The following COP1 variants were observed in gnomAD, a reference collection of about 807,000 sequenced individuals.
COP1 encodes the protein E3 ubiquitin-protein ligase COP1.
COP1 carries 24 observed loss-of-function variants against 101.3 expected under a neutral mutation model. That is an observed-to-expected ratio of 0.24 (90% confidence interval 0.17 to 0.33). The LOEUF is 0.33. Among genes scored for constraint, COP1 ranks in the 10% least tolerant of loss-of-function variants. The pLI, the probability that COP1 is intolerant of heterozygous loss-of-function variation, is 1.00. For missense variants in COP1, 663 were observed against 906.2 expected (o/e 0.73, Z 3.45); for synonymous variants, 347 against 341.9 (o/e 1.01, Z -0.17).
At chr1:176,059,410 T>C (rs1485794943) in intron 11 of COP1, among the ~76,000 whole-genome samples, 1 of 152,228 alleles carries the variant, frequency 6.6e-6, no homozygotes, top group Non-Finnish European at 1.5e-5. Context: ...TTTCCTTTTA[T>C]TTCTCCTTTA....
At chr1:176,090,961 GTT>G (rs1681170485) in intron 9 of COP1, among the ~76,000 whole-genome samples, 1 of 152,166 alleles carries the variant, frequency 6.6e-6, no homozygotes, top group Non-Finnish European at 1.5e-5. Flanking sequence ...GTGAAACTGT[GTT>G]TTTGTCTATA....
At chr1:176,132,371 T>C (rs1206433293) in intron 8 of COP1, among the ~76,000 whole-genome samples, 2 of 151,792 alleles carry the variant, frequency 1.3e-5, no homozygotes, top group African/African-American at 2.4e-5. Context: ...CTACCATGCC[T>C]AACTATTCTT....
At chr1:175,976,940 T>C (rs984008183) in intron 18 of COP1, among the ~76,000 whole-genome samples, 4 of 152,248 alleles carry the variant, frequency 2.6e-5, no homozygotes, top group African/African-American at 9.6e-5. Flanking sequence ...AAACAAACAT[T>C]TGGAATGTTG....
intron 10 of COP1, among the ~76,000 whole-genome samples, chr1:176,084,258 T>C (rs1217415134): frequency 6.6e-6 from 1 of 152,190 alleles, no homozygotes; most frequent in Non-Finnish European, 1.5e-5. Context: ...CATGAGCCAC[T>C]GCGCCCGGAC....
intron 10 of COP1, among the ~76,000 whole-genome samples, chr1:176,084,132 C>G (rs1257089208): frequency 2.0e-5 from 3 of 152,036 alleles, no homozygotes; most frequent in Non-Finnish European, 4.4e-5. Flanking sequence ...TATAGTTGTA[C>G]TTCAGTATCA....
At chr1:176,086,881 A>G (rs1394864454) in intron 9 of COP1, among the ~76,000 whole-genome samples, 1 of 152,196 alleles carries the variant, frequency 6.6e-6, no homozygotes, top group East Asian at 1.9e-4. Flanking sequence ...ACAGTAACCA[A>G]AACAGCATGG....
chr1:176,081,360 C>A, intron 10 of COP1, 73 bp from the exon 11 acceptor site: 1 of 1,201,568 alleles, frequency 8.3e-7, no homozygotes, highest in African/African-American at 1.6e-5. Context: ...GCCACATCCA[C>A]AAATTAAAAT....
chr1:176,199,433 T>G (rs536589783), intron 1 of COP1, among the ~76,000 whole-genome samples: 57 of 152,310 alleles, frequency 3.7e-4, no homozygotes, highest in Non-Finnish European at 7.1e-4. Flanking sequence ...CTACTAGATA[T>G]TTTTACCCTA....
At chr1:176,016,030 C>CA (rs1344834346) in intron 15 of COP1, among the ~76,000 whole-genome samples, 1 of 151,446 alleles carries the variant, frequency 6.6e-6, no homozygotes, top group African/African-American at 2.4e-5. Flanking sequence ...GGAAAATTAA[C>CA]AAAAAAGAAG....
chr1:175,947,449 C>T (rs750461544), intron 18 of COP1: 20 of 446,252 alleles, frequency 4.5e-5, no homozygotes, highest in Non-Finnish European at 7.7e-5. Context: ...TGGCTCACCA[C>T]AACCTCCACT....
intron 18 of COP1, among the ~76,000 whole-genome samples, chr1:175,952,069 C>G (rs573113344): frequency 1.2e-4 from 18 of 152,272 alleles, no homozygotes; most frequent in Middle Eastern, 3.4e-3. Context: ...AGAGAAAGAT[C>G]GCCAATTTCC....
intron 15 of COP1, among the ~76,000 whole-genome samples, chr1:176,016,498 C>CA (rs1366982440): frequency 6.6e-6 from 1 of 152,092 alleles, no homozygotes; most frequent in African/African-American, 2.4e-5. Flanking sequence ...AGGGTAGGAG[C>CA]AGAAACCAGA....
intron 15 of COP1, among the ~76,000 whole-genome samples, chr1:176,000,574 T>C (rs1661362423): frequency 6.6e-6 from 1 of 152,080 alleles, no homozygotes; most frequent in South Asian, 2.1e-4. Context: ...CTGTCATATA[T>C]GTGGTCTCTC....
intron 15 of COP1, among the ~76,000 whole-genome samples, chr1:176,001,486 T>C (rs536872091): frequency 2.0e-5 from 3 of 152,266 alleles, no homozygotes; most frequent in Admixed American, 6.5e-5. Context: ...GTTTCCAAAG[T>C]TGATATACTA....
At chr1:176,096,971 G>T (rs1320970725) in intron 9 of COP1, among the ~76,000 whole-genome samples, 2 of 151,970 alleles carry the variant, frequency 1.3e-5, no homozygotes, top group Non-Finnish European at 2.9e-5. Flanking sequence ...GTCCTTTTTG[G>T]TTTGATACCT....
At chr1:175,969,155 T>A (rs1354809200) in intron 18 of COP1, among the ~76,000 whole-genome samples, 1 of 152,212 alleles carries the variant, frequency 6.6e-6, no homozygotes, top group Non-Finnish European at 1.5e-5. Flanking sequence ...CATGGAAACC[T>A]GGATCTGAAT....
chr1:175,987,052 A>G lies in COP1; in HGVS notation c.2024T>C (p.Leu675Ser), dbSNP rs760996935. ...GACTGTATCAAACTTAAAAGTTAGC[A>G]AAGTCTTAGAAAGTCCTTTATAGTA... is the stretch of plus-strand genomic sequence containing the variant. ...YLYYKGLSKT[L>S]LTFKFDTVKS... The change falls in exon 18 of 20, where the codon TTG (leucine) becomes TCG (serine). Residue 675 changes from leucine to serine, a missense_variant. By Grantham distance (145) the Leu-to-Ser change is moderately radical. This residue lies in a region of COP1 where 209 missense variants were observed against 383.3 expected (regional missense o/e 0.55). Coordinates refer to ENST00000367669, the MANE Select transcript of COP1 (RefSeq NM_022457.7). 15 of 1,585,504 alleles carry G rather than the reference A, an allele frequency of 9.5e-6. No homozygotes were observed. Among genetic ancestry groups the G allele is most frequent in the African/African-American group, 1.3e-5 (1 of 74,296 alleles).
In COP1 at chr1:176,076,202, G is replaced by A. The variant is rs190153903; in HGVS notation, c.1277+4950C>T. Among the ~76,000 whole-genome samples the A allele has an allele frequency of 3.0e-3, 454 of 151,896 alleles. 2 individuals are homozygous for A. The highest frequency in any genetic ancestry group is 0.01 in the African/African-American group (427 of 41,412). On this transcript the variant is annotated intron_variant, in intron 11 of 19. Transcript: ENST00000367669. ...CATCTGTACATGGAACATGTTTTAAGATAGACCACATGCTTGGCCATAAAG... is the reference window on the plus strand; with the variant it reads ...CATCTGTACATGGAACATGTTTTAAAATAGACCACATGCTTGGCCATAAAG...
chr1:176,042,339 C>A (rs1670732695), intron 14 of COP1, among the ~76,000 whole-genome samples: 1 of 147,382 alleles, frequency 6.8e-6, no homozygotes, highest in Non-Finnish European at 1.5e-5. Context: ...GGCAGCAGGG[C>A]AGATCACTTG....
Sources: gnomAD v4.1 joint callset for allele counts (sites outside exome capture counted in the v4.1 genomes callset) on GRCh38, gnomAD v4.1.1 for gene constraint, gnomAD v4.1.1 regional missense constraint, MANE v1.5 for transcripts, NCBI Gene and HGNC (gene_info 2026-07-23, HGNC 2026-07-21) for gene names.